The following TACC3 variants were observed in gnomAD, a reference collection of about 807,000 sequenced individuals.
TACC3 encodes transforming acidic coiled-coil-containing protein 3.
Under a neutral mutation model 86.0 loss-of-function variants are expected in TACC3, and 52 were observed. That is an observed-to-expected ratio of 0.60 (90% confidence interval 0.48 to 0.76). The LOEUF is 0.76. Among genes scored for constraint, TACC3 ranks in the 30% least tolerant of loss-of-function variants. The pLI is 0.00. For synonymous variants in TACC3, 512 were observed against 430.0 expected, an observed-to-expected ratio of 1.19 and a Z score of -2.36; for missense variants, 1,120 against 1,070.4, an observed-to-expected ratio of 1.05 and a Z score of -0.65.
At chr4:1,728,918 C>A in intron 4 of TACC3, 131 bp downstream of exon 4, 1 of 939,334 alleles carries the variant, frequency 1.1e-6, no homozygotes, top group Non-Finnish European at 1.5e-6. Flanking sequence ...TGAGGAGGGG[C>A]CTCTGGATAA....
At position 1,723,958 on chromosome 4, in the gene TACC3, C is replaced by G. The variant is rs41286673; in HGVS notation, c.305+88C>G. ...GAAAGTGCTGTCTTGTTCTATCAGG[C>G]CTTGGCTGGATTTTTTGTTTGTTTG... On this transcript the variant is annotated intron_variant, in intron 3 of 15. Transcript: ENST00000313288. The G allele has an allele frequency of 4.1e-6, 6 of 1,450,128 alleles. No homozygotes were observed. The African/African-American group carries it at 4.2e-5, about 10-fold the overall frequency. 89.8% of individuals were successfully genotyped at this position (1,450,128 alleles called of 1,614,324 possible). A position where few individuals can be genotyped will look rare whatever the true frequency, so the allele number is the denominator to read the frequency against.
rs1174371348 is a variant in TACC3, at chr4:1,733,976, C to G, written c.1592-1297C>G. Among the ~76,000 whole-genome samples the G allele has an allele frequency of 7.7e-4, 95 of 123,482 alleles. 1 individual carries two copies. In the East Asian group the frequency reaches 0.023, roughly 29 times the overall value. The allele number at this position is 123,482 out of a possible 152,430, so 81.0% of individuals were successfully genotyped here. On this transcript the variant is annotated intron_variant, in intron 6 of 15. Coordinates refer to ENST00000313288, the MANE Select transcript of TACC3 (RefSeq NM_006342.3). ...TGAGCAACAGAGCAAGACTCTGTCT[C>G]AAAAAAAAAAAAAAGAAAAGAAAAC... is the stretch of plus-strand genomic sequence containing the variant.
At chr4:1,731,105 G>A in intron 5 of TACC3, 67 bp from the exon 6 acceptor site, 2 of 1,602,408 alleles carry the variant, frequency 1.2e-6, no homozygotes, top group South Asian at 1.1e-5. Flanking sequence ...CAAGGTTGTG[G>A]GGAGGCAAAG....
Position 1,740,126 on chromosome 4 carries a change from T to G in TACC3, c.2062+124T>G, listed in dbSNP as rs1577224315. 1.4e-5 allele frequency: 13 copies of G among 940,638 alleles called. No homozygotes were observed. The East Asian group carries it at 3.2e-4, about 23-fold the overall frequency. The allele number at this position is 940,638 out of a possible 1,614,324, so 58.3% of individuals were successfully genotyped here. A position where few individuals can be genotyped will look rare whatever the true frequency, so the allele number is the denominator to read the frequency against. The stretch of plus-strand genomic sequence containing the variant: ...GAGGCCCCTTTTCCTAACACACGAG[T>G]CCCTTCAACATGGGCCCGGCCGTGG... On this transcript the variant is annotated intron_variant, in intron 12 of 15. Coordinates refer to ENST00000313288, the MANE Select transcript of TACC3 (RefSeq NM_006342.3).
Position 1,727,989 on chromosome 4 carries a change from C to CTTCTAGGTGTG in TACC3, c.587_588insTTCTAGGTGTG (p.Pro197SerfsTer10). On this transcript the variant is annotated frameshift_variant, in exon 4 of 16. Coordinates refer to ENST00000313288, the MANE Select transcript of TACC3 (RefSeq NM_006342.3). LOFTEE classifies it high-confidence loss of function. ...TCCTATTCCTTAGACAGAAGAGTGA[C>CTTCTAGGTGTG]ACCCGCCTCTGAGACCCTAGAAGAC... 1 of 1,613,050 alleles carries CTTCTAGGTGTG rather than the reference C, an allele frequency of 6.2e-7. No individual in the cohort carries two copies. The highest frequency in any genetic ancestry group is 1.7e-5 in the Admixed American group (1 of 60,030).
At chr4:1,725,636 T>C (rs1489061765) in intron 3 of TACC3, among the ~76,000 whole-genome samples, 5 of 152,098 alleles carry the variant, frequency 3.3e-5, no homozygotes, top group African/African-American at 1.2e-4. Flanking sequence ...GCAGCCTCCA[T>C]AGGGCAGAGG....
chr4:1,723,193 T>C (rs1254745943), intron 1 of TACC3: 1 of 576,266 alleles, frequency 1.7e-6, no homozygotes, highest in Non-Finnish European at 3.1e-6. Flanking sequence ...GCAGCAGTGC[T>C]GCCCATGGCT....
chr4:1,745,044 G>C lies in TACC3; in HGVS notation c.*31G>C. On this transcript the variant is annotated 3_prime_UTR_variant, in exon 16 of 16. Transcript: ENST00000313288. ...ACGGAGCCGCTGTCCCCGCCCCCCT[G>C]CTCCCGTCTGTCTGTCCTGTCTGAT... 4 of 1,580,860 alleles carry C rather than the reference G, an allele frequency of 2.5e-6. No homozygotes were observed. Among genetic ancestry groups the C allele is most frequent in the Non-Finnish European group, 3.4e-6 (4 of 1,163,228 alleles).
intron 11 of TACC3, 62 bp from the exon 12 acceptor site, chr4:1,739,897 C>G: frequency 1.2e-6 from 2 of 1,608,084 alleles, no homozygotes; most frequent in Non-Finnish European, 1.7e-6. Flanking sequence ...TCCCCATCCC[C>G]ACCTGGCCTG....
chr4:1,728,228 C>T lies in TACC3; in HGVS notation c.826C>T (p.Pro276Ser). ...TCTGCCTGGCGAAGCCCTGGGCTGC[C>T]CTGCGGGTGTGGGCACCCCCGTGCC... ...QGLPGEALGC[P>S]AGVGTPVPAD... is the part of the protein sequence containing the mutation. The change falls in exon 4 of 16, where the codon CCT (proline) becomes TCT (serine). Residue 276 changes from proline (P) to serine (S), a missense_variant. By Grantham distance (74) the Pro-to-Ser change is moderately conservative. Coordinates refer to ENST00000313288, the MANE Select transcript of TACC3 (RefSeq NM_006342.3). 2 of 1,612,262 alleles carry T rather than the reference C, an allele frequency of 1.2e-6. No homozygotes were observed. The highest frequency in any genetic ancestry group is 1.7e-6 in the Non-Finnish European group (2 of 1,179,788).
chr4:1,723,720 C>G lies in TACC3; in HGVS notation c.163-8C>G. ...TGAATAGGTGCTCTCCTCCTCACTC[C>G]GCAACAGGTGACTTTTCAGACACCT... On this transcript the variant is annotated splice_region_variant and splice_polypyrimidine_tract_variant and intron_variant, in intron 2 of 15. Coordinates refer to ENST00000313288, the MANE Select transcript of TACC3 (RefSeq NM_006342.3). The G allele has an allele frequency of 6.2e-7, 1 of 1,613,654 alleles. No individual in the cohort carries two copies. Among genetic ancestry groups the G allele is most frequent in the South Asian group, 1.1e-5 (1 of 91,086 alleles).
chr4:1,742,961 T>C (rs1055988021), intron 13 of TACC3, among the ~76,000 whole-genome samples: 1 of 151,972 alleles, frequency 6.6e-6, no homozygotes, highest in South Asian at 2.1e-4. Context: ...AGCGAGACTC[T>C]CTCAGAAAAC....
Position 1,727,925 on chromosome 4 carries a change from T to C in TACC3, c.523T>C (p.Ser175Pro), listed in dbSNP as rs371120546. ...CCAAATGGTGTCTCCAGGAAAAGTG[T>C]CTGGCAGCCCTGAGCAAGCCGTGGA... ...ENQMVSPGKV[S>P]GSPEQAVEEN... Residue 175 changes from serine to proline, a missense_variant, in exon 4 of 16, where the codon TCT (serine) becomes CCT (proline). Transcript: ENST00000313288. 6 of 1,613,818 alleles carry C rather than the reference T, an allele frequency of 3.7e-6. No homozygotes were observed. Among genetic ancestry groups the C allele is most frequent in the Non-Finnish European group, 5.1e-6 (6 of 1,180,048 alleles).
In TACC3 at chr4:1,740,487, C is replaced by T. The variant is rs963989835; in HGVS notation, c.2063-339C>T. On this transcript the variant is annotated intron_variant, in intron 12 of 15. Coordinates refer to ENST00000313288, the MANE Select transcript of TACC3 (RefSeq NM_006342.3). Reference sequence around the variant, plus strand: ...TGACCGCCTGGCCCTTGCAGTCCCTCCAGGACCACCACGAAGCACGACGCA... The same window carrying T: ...TGACCGCCTGGCCCTTGCAGTCCCTTCAGGACCACCACGAAGCACGACGCA... The T allele has an allele frequency of 1.2e-4, 38 of 325,922 alleles. No homozygotes were observed. In the South Asian group the frequency reaches 1.3e-3, roughly 11 times the overall value. The allele number at this position is 325,922 out of a possible 1,614,324, so 20.2% of individuals were successfully genotyped here.
intron 15 of TACC3, 24 bp from the exon 16 acceptor site, chr4:1,744,924 C>T: frequency 1.2e-6 from 2 of 1,611,724 alleles, no homozygotes; most frequent in Non-Finnish European, 1.7e-6. Flanking sequence ...GGGAGAAGCC[C>T]CGCAACTCAT....
Position 1,727,689 on chromosome 4 carries a change from A to G in TACC3, c.306-19A>G. ...ACCAGGTACTCGCTGCTTCACGTTG[A>G]TTAAGTCTCTTTTAAAAGCCAACAG... On this transcript the variant is annotated intron_variant, in intron 3 of 15. Transcript: ENST00000313288. 6.4e-7 allele frequency: 1 copy of G among 1,556,464 alleles called. No individual in the cohort carries two copies. Among genetic ancestry groups the G allele is most frequent in the South Asian group, 1.2e-5 (1 of 81,880 alleles).
chr4:1,723,785 A>T lies in TACC3; in HGVS notation c.220A>T (p.Met74Leu). 6.2e-7 allele frequency: 1 copy of T among 1,613,880 alleles called. No individual in the cohort carries two copies. The highest frequency in any genetic ancestry group is 8.5e-7 in the Non-Finnish European group (1 of 1,180,028). ...PQTHRILSPS[M>L]ASKLEAPFTQ... ...GACGCACAGGATTCTAAGTCCTAGCATGGCCAGCAAACTTGAGGCTCCTTT... is the reference window on the plus strand; with the variant it reads ...GACGCACAGGATTCTAAGTCCTAGCTTGGCCAGCAAACTTGAGGCTCCTTT... Residue 74 changes from methionine to leucine, a missense_variant, in exon 3 of 16, where the codon ATG becomes TTG. Coordinates refer to ENST00000313288, the MANE Select transcript of TACC3 (RefSeq NM_006342.3).
chr4:1,736,908 T>A (rs1321039157), intron 8 of TACC3, among the ~76,000 whole-genome samples: 1 of 147,284 alleles, frequency 6.8e-6, no homozygotes, highest in African/African-American at 2.5e-5. Context: ...AGACCCTGTC[T>A]CGGAAAAAGA....
Position 1,727,979 on chromosome 4 carries a change from A to C in TACC3, c.577A>C (p.Arg193=). ...AAACCTTAGTTCCTATTCCTTAGAC[A>C]GAAGAGTGACACCCGCCTCTGAGAC... ...EENLSSYSLD[R]RVTPASETLE... The change falls in exon 4 of 16, where the codon AGA becomes CGA. Residue 193 remains arginine, a synonymous_variant. Coordinates refer to ENST00000313288, the MANE Select transcript of TACC3 (RefSeq NM_006342.3). The C allele has an allele frequency of 1.2e-6, 2 of 1,613,196 alleles. No homozygotes were observed. Among genetic ancestry groups the C allele is most frequent in the South Asian group, 2.2e-5 (2 of 91,092 alleles).
Sources: gnomAD v4.1 joint callset for allele counts (sites outside exome capture counted in the v4.1 genomes callset) on GRCh38, gnomAD v4.1.1 for gene constraint, MANE v1.5 for transcripts, NCBI Gene and HGNC (gene_info 2026-07-23, HGNC 2026-07-21) for gene names.